RIF1: variants seen among roughly 807,000 people sequenced by gnomAD.
The protein encoded by RIF1 is telomere-associated protein RIF1.
RIF1 carries 45 observed loss-of-function variants against 247.1 expected under a neutral mutation model. That is an observed-to-expected ratio of 0.18 (90% CI 0.14 to 0.23). The LOEUF (loss-of-function observed/expected upper bound fraction) is 0.23, where lower values mean the gene tolerates loss of function less well. Ranked by LOEUF, RIF1 falls within the 10% of genes least tolerant of loss-of-function variation. The pLI is 1.00. For synonymous variants in RIF1, 1,087 were observed against 978.8 expected, an observed-to-expected ratio of 1.11 and a Z score of -2.06; for missense variants, 2,967 against 2,862.5, an observed-to-expected ratio of 1.04 and a Z score of -0.83.
chr2:151,483,552 CA>C (rs2049267431), downstream of RIF1, among the ~76,000 whole-genome samples: 2 of 152,204 alleles, frequency 1.3e-5, no homozygotes, highest in South Asian at 4.1e-4. Flanking sequence ...TATATACAGT[CA>C]TCCCTCAATA....
chr2:151,462,991 T>C lies in RIF1; in HGVS notation c.3471T>C (p.Ser1157=). The change falls in exon 30 of 36, where the codon TCT becomes TCC. Residue 1157 remains serine (S), a synonymous_variant. Coordinates refer to ENST00000444746, the MANE Select transcript of RIF1 (RefSeq NM_018151.5). ...CCCTTTCGAATAATGAGTGTGGTTC[T>C]CTTGACAAAACCAGTCCAGAAATGT... ...KSSLSNNECG[S]LDKTSPEMSN... 6.2e-7 allele frequency: 1 copy of C among 1,614,018 alleles called. No homozygotes were observed.
In RIF1 at chr2:151,461,110, A is replaced by G. The variant is rs566995473; in HGVS notation, c.3076-28A>G. The G allele has an allele frequency of 1.8e-5, 29 of 1,593,328 alleles. No individual in the cohort carries two copies. The African/African-American group carries it at 3.3e-4, about 18-fold the overall frequency. On this transcript the variant is annotated intron_variant, in intron 26 of 35. Transcript: ENST00000444746. ...GAAAATAATTTGGAAGCTAAAATGTACATTTGCTTATTTTTTCAAATCTGC... is the reference window on the plus strand; with the variant it reads ...GAAAATAATTTGGAAGCTAAAATGTGCATTTGCTTATTTTTTCAAATCTGC...
chr2:151,414,923 G>C lies in RIF1; in HGVS notation c.280+4G>C, dbSNP rs765861193. The C allele has an allele frequency of 6.4e-7, 1 of 1,553,186 alleles. No homozygotes were observed. The highest frequency in any genetic ancestry group is 1.1e-5 in the South Asian group (1 of 88,638). On this transcript the variant is annotated splice_donor_region_variant and intron_variant, in intron 4 of 35. Coordinates refer to ENST00000444746, the MANE Select transcript of RIF1 (RefSeq NM_018151.5). Reference sequence around the variant, plus strand: ...AAAATTACCTCAGAATTATCAGGTAGATAAATTTCTTATGACTTAATATTT... The same window carrying C: ...AAAATTACCTCAGAATTATCAGGTACATAAATTTCTTATGACTTAATATTT...
At chr2:151,518,849 G>C in the RIF1 span, 1 of 680,542 alleles carries the variant, frequency 1.5e-6, no homozygotes, top group South Asian at 1.8e-5. Flanking sequence ...AATGAGAACA[G>C]TTTTGTAATA....
chr2:151,490,067 A>C (rs966105402), intron 9 of RIF1: 1 of 1,609,120 alleles, frequency 6.2e-7, no homozygotes, highest in Non-Finnish European at 8.5e-7. Flanking sequence ...TGGTTTTTGC[A>C]TGTTTGTAAG....
At chr2:151,415,940 C>T (rs578166912) in intron 4 of RIF1, among the ~76,000 whole-genome samples, 47 of 152,256 alleles carry the variant, frequency 3.1e-4, no homozygotes, top group African/African-American at 1.1e-3. Flanking sequence ...TTTATTCAGG[C>T]ATATGCACTA....
the RIF1 span, chr2:151,519,843 A>C: frequency 1.0e-6 from 1 of 970,882 alleles, no homozygotes; most frequent in East Asian, 2.4e-5. Context: ...GTAGAAACAC[A>C]AATGCCAAAG....
chr2:151,518,522 G>C, the RIF1 span: 2 of 749,486 alleles, frequency 2.7e-6, no homozygotes, highest in Non-Finnish European at 4.6e-6. Flanking sequence ...CCATTGTCAA[G>C]ATCAAACTAA....
chr2:151,484,946 A>T (rs1012936250), downstream of RIF1, among the ~76,000 whole-genome samples: 1 of 152,236 alleles, frequency 6.6e-6, no homozygotes, highest in Non-Finnish European at 1.5e-5. Context: ...TCTCAGACAC[A>T]TTAAGAAGCT....
downstream of RIF1, chr2:151,508,057 A>AAAAC (rs1057515574): frequency 2.5e-6 from 4 of 1,611,164 alleles, no homozygotes. Flanking sequence ...TGGGGTGTCC[A>AAAAC]AAACAGTCTC....
In RIF1 at chr2:151,465,761, G is replaced by C. The variant is rs1364631995; in HGVS notation, c.6241G>C (p.Asp2081His). 1.2e-6 allele frequency: 2 copies of C among 1,613,238 alleles called. No individual in the cohort carries two copies. Among genetic ancestry groups the C allele is most frequent in the Admixed American group, 3.3e-5 (2 of 60,014 alleles). ...AATGAGCACTGAAGAAGGAATCATT[G>C]ACGCTAATAAAACTGAAACAAATAC... ...VEMSTEEGII[D>H]ANKTETNTEY... Residue 2081 changes from aspartate (D) to histidine (H), a missense_variant, in exon 30 of 36, where the codon GAC becomes CAC. Physicochemically the swap from Asp to His is moderately conservative, Grantham distance 81. This residue lies in a region of RIF1 where 2,028 missense variants were observed against 1,825.6 expected (regional missense o/e 1.11). Coordinates refer to ENST00000444746, the MANE Select transcript of RIF1 (RefSeq NM_018151.5).
intron 8 of RIF1, among the ~76,000 whole-genome samples, chr2:151,427,044 A>T (rs1209934415): frequency 4.0e-5 from 6 of 150,928 alleles, no homozygotes; most frequent in Non-Finnish European, 8.8e-5. Flanking sequence ...TTTAGCTCTT[A>T]TAGCTAACTT....
intron 9 of RIF1, among the ~76,000 whole-genome samples, chr2:151,494,634 T>G (rs117862553): frequency 0.015 from 2,302 of 149,590 alleles, 77 homozygotes; most frequent in East Asian, 0.14. Context: ...CAGCTGTTTG[T>G]TTTTTTTTGT....
At chr2:151,529,110 C>T in the RIF1 span, 1 of 786,252 alleles carries the variant, frequency 1.3e-6, no homozygotes, top group Non-Finnish European at 2.2e-6. Flanking sequence ...TGGAATCAAT[C>T]ACTAGAGCTG....
chr2:151,431,778 T>TGA (rs1275883953), intron 9 of RIF1, among the ~76,000 whole-genome samples: 1 of 73,732 alleles, frequency 1.4e-5, no homozygotes, highest in African/African-American at 3.9e-5. Context: ...AACTTCCGTC[T>TGA]CTGAATGAAT....
chr2:151,496,867 A>C, intron 10 of RIF1: 2 of 1,414,596 alleles, frequency 1.4e-6, no homozygotes, highest in Non-Finnish European at 1.9e-6. Flanking sequence ...AAATAGGATT[A>C]ATATGTATTA....
intron 21 of RIF1, among the ~76,000 whole-genome samples, chr2:151,452,174 T>C (rs373140797): frequency 2.6e-5 from 4 of 152,346 alleles, no homozygotes; most frequent in South Asian, 4.1e-4. Flanking sequence ...TTACAAAGTT[T>C]AACTCATCGT....
chr2:151,428,927 G>A lies in RIF1; in HGVS notation c.925+5G>A. 1 of 1,429,530 alleles carries A rather than the reference G, an allele frequency of 7.0e-7. No homozygotes were observed. The highest frequency in any genetic ancestry group is 1.4e-5 in the African/African-American group (1 of 70,684). 88.6% of individuals were successfully genotyped at this position (1,429,530 alleles called of 1,614,324 possible). On this transcript the variant is annotated splice_donor_5th_base_variant and intron_variant, in intron 9 of 35. Coordinates refer to ENST00000444746, the MANE Select transcript of RIF1 (RefSeq NM_018151.5). ...ATAATTTTGCTTTAAATCCAGGTAA[G>A]TAATATTTTAACAATTTTGATTTTC...
intron 20 of RIF1, among the ~76,000 whole-genome samples, chr2:151,449,691 C>T (rs1264969822): frequency 6.6e-6 from 1 of 152,198 alleles, no homozygotes; most frequent in African/African-American, 2.4e-5. Flanking sequence ...AGGAAAACAA[C>T]ATGTAGTTTT....
Sources: gnomAD v4.1 joint callset for allele counts (sites outside exome capture counted in the v4.1 genomes callset) on GRCh38, gnomAD v4.1.1 for gene constraint, gnomAD v4.1.1 regional missense constraint, MANE v1.5 for transcripts, NCBI Gene and HGNC (gene_info 2026-07-23, HGNC 2026-07-21) for gene names.